Variants in NAV3 observed in about 807,000 individuals in gnomAD.
NAV3 encodes the protein neuron navigator 3.
NAV3 carries 87 observed loss-of-function variants against 244.7 expected under a neutral mutation model. The observed-to-expected ratio is 0.36, with a 90% CI of 0.30 to 0.42. The LOEUF is 0.42. Ranked by LOEUF, NAV3 falls within the 20% of genes least tolerant of loss-of-function variation. The pLI is 1.00. For missense variants in NAV3, 2,663 were observed against 2,893.3 expected (o/e 0.92, Z 1.83); for synonymous variants, 1,126 against 1,042.2 (o/e 1.08, Z -1.55).
chr12:78,018,590 G>A (rs1270676237), intron 8 of NAV3, among the ~76,000 whole-genome samples: 1 of 152,124 alleles, frequency 6.6e-6, no homozygotes, highest in African/African-American at 2.4e-5. Flanking sequence ...GTGGGCTTTA[G>A]ACAAATATTT....
intron 3 of NAV3, among the ~76,000 whole-genome samples, chr12:77,947,706 C>T (rs955663690): frequency 6.6e-6 from 1 of 151,838 alleles, no homozygotes; most frequent in African/African-American, 2.4e-5. Flanking sequence ...AAAATCTTTA[C>T]TTTGTATTTT....
intron 2 of NAV3, among the ~76,000 whole-genome samples, chr12:77,765,647 T>C (rs1216995610): frequency 6.6e-6 from 1 of 152,066 alleles, no homozygotes; most frequent in Non-Finnish European, 1.5e-5. Flanking sequence ...AGAACAACTA[T>C]GACTAGAGCC....
Position 77,605,343 on chromosome 12 carries a change from A to AAT in NAV3, c.72+33081_72+33082dup, listed in dbSNP as rs1299488162. ...TCATAATCTCCTCTAATTACCTATA[A>AAT]ATATAAGGTCCTTTGCCCACTTTTC... On this transcript the variant is annotated intron_variant, in intron 2 of 8. Transcript: ENST00000550042. Among the ~76,000 whole-genome samples the AAT allele has an allele frequency of 7.9e-5, 12 of 152,216 alleles. 1 individual carries two copies. In the South Asian group the frequency reaches 2.3e-3, roughly 29 times the overall value.
At chr12:77,630,986 C>G (rs1205897542) in intron 2 of NAV3, among the ~76,000 whole-genome samples, 1 of 152,186 alleles carries the variant, frequency 6.6e-6, no homozygotes, top group Non-Finnish European at 1.5e-5. Context: ...GTTTCCATAG[C>G]AACTTCTATT....
At chr12:77,821,891 G>T (rs928117366) in intron 2 of NAV3, among the ~76,000 whole-genome samples, 5 of 151,976 alleles carry the variant, frequency 3.3e-5, no homozygotes, top group African/African-American at 1.2e-4. Context: ...TGTTTTTTTA[G>T]GTTGCATTTT....
intron 9 of NAV3, among the ~76,000 whole-genome samples, chr12:78,029,182 A>G (rs1300861592): frequency 8.4e-6 from 1 of 118,534 alleles, no homozygotes; most frequent in Non-Finnish European, 1.8e-5. Flanking sequence ...CCTATTCCAA[A>G]AAAAAAAAAA....
intron 2 of NAV3, among the ~76,000 whole-genome samples, chr12:77,722,783 G>T (rs758330215): frequency 6.6e-6 from 1 of 152,012 alleles, no homozygotes; most frequent in Non-Finnish European, 1.5e-5. Flanking sequence ...ATTATTGATA[G>T]AAATTTTGTC....
intron 2 of NAV3, among the ~76,000 whole-genome samples, chr12:77,705,394 A>G (rs868282526): frequency 3.3e-5 from 5 of 151,382 alleles, no homozygotes; most frequent in African/African-American, 1.2e-4. Context: ...ACAGCACGAG[A>G]CTCTGTCTCA....
intron 1 of NAV3, among the ~76,000 whole-genome samples, chr12:77,893,429 C>G (rs1884184440): frequency 6.6e-6 from 1 of 152,050 alleles, no homozygotes; most frequent in Non-Finnish European, 1.5e-5. Context: ...ACAAAAGACA[C>G]AGTTGAAGCT....
intron 2 of NAV3, among the ~76,000 whole-genome samples, chr12:77,712,563 A>T (rs1191484742): frequency 6.6e-6 from 1 of 152,206 alleles, no homozygotes; most frequent in East Asian, 1.9e-4. Context: ...TGTTAGCCTG[A>T]TATCCTAACC....
chr12:77,915,815 C>T (rs1055780658), intron 1 of NAV3, among the ~76,000 whole-genome samples: 9 of 152,010 alleles, frequency 5.9e-5, no homozygotes, highest in Admixed American at 2.0e-4. Flanking sequence ...TCATTTAGTC[C>T]CATCAATGTT....
intron 12 of NAV3, among the ~76,000 whole-genome samples, chr12:78,072,821 C>A (rs1593471925): frequency 8.9e-6 from 1 of 112,168 alleles, no homozygotes; most frequent in South Asian, 3.8e-4. Flanking sequence ...AGCAGCACAT[C>A]AAAAAGCTTA....
intron 2 of NAV3, among the ~76,000 whole-genome samples, chr12:77,582,657 C>A (rs751973300): frequency 1.3e-5 from 2 of 152,196 alleles, no homozygotes; most frequent in Admixed American, 6.5e-5. Flanking sequence ...CCATCAGCCA[C>A]CAGATAACCC....
intron 2 of NAV3, among the ~76,000 whole-genome samples, chr12:77,713,483 T>A (rs1876219106): frequency 6.6e-6 from 1 of 152,196 alleles, no homozygotes; most frequent in African/African-American, 2.4e-5. Flanking sequence ...TGATAATGTA[T>A]CCATTCTTAA....
intron 8 of NAV3, among the ~76,000 whole-genome samples, chr12:78,009,783 C>T (rs1299267318): frequency 6.6e-6 from 1 of 152,250 alleles, no homozygotes; most frequent in African/African-American, 2.4e-5. Flanking sequence ...ATAAAGGATG[C>T]CTACCTCGAT....
At chr12:77,774,645 TG>T (rs1870258428) in intron 2 of NAV3, among the ~76,000 whole-genome samples, 1 of 152,138 alleles carries the variant, frequency 6.6e-6, no homozygotes, top group African/African-American at 2.4e-5. Context: ...CAAGTACTTA[TG>T]TAGGGGACTG....
intron 14 of NAV3, 23 bp downstream of exon 14, chr12:78,118,320 G>A: frequency 1.3e-6 from 2 of 1,573,988 alleles, no homozygotes; most frequent in Non-Finnish European, 1.7e-6. Context: ...TTTGCCAGCT[G>A]TTATGCAAAA....
chr12:78,059,132 A>G lies in NAV3; in HGVS notation c.2636+17A>G. The G allele has an allele frequency of 1.9e-6, 3 of 1,605,606 alleles. No homozygotes were observed. Among genetic ancestry groups the G allele is most frequent in the Non-Finnish European group, 2.5e-6 (3 of 1,176,514 alleles). On this transcript the variant is annotated intron_variant, in intron 12 of 39. Transcript: ENST00000397909. ...TGCAGACAGGTAATGCTATCAGCAT[A>G]TATGATGGTGAGACATGCATGAAGT...
chr12:77,864,411 A>G (rs1400191693), intron 1 of NAV3, among the ~76,000 whole-genome samples: 2 of 151,950 alleles, frequency 1.3e-5, no homozygotes, highest in Admixed American at 1.3e-4. Flanking sequence ...TATCACATGT[A>G]CACTAGCATA....
Sources: gnomAD v4.1 joint callset for allele counts (sites outside exome capture counted in the v4.1 genomes callset) on GRCh38, gnomAD v4.1.1 for gene constraint, MANE v1.5 for transcripts, NCBI Gene and HGNC (gene_info 2026-07-23, HGNC 2026-07-21) for gene names.